JARID2: variants seen among roughly 807,000 people sequenced by gnomAD.
JARID2 encodes protein Jumonji.
Under a neutral mutation model 125.6 loss-of-function variants are expected in JARID2, and 21 were observed. That is an observed-to-expected ratio of 0.17 (90% confidence interval 0.12 to 0.24). The LOEUF (loss-of-function observed/expected upper bound fraction) is 0.24, where lower values mean the gene tolerates loss of function less well. Ranked by LOEUF, JARID2 falls within the 10% of genes least tolerant of loss-of-function variation. The pLI, the probability that JARID2 is intolerant of heterozygous loss-of-function variation, is 1.00. For missense variants in JARID2, 1,303 were observed against 1,639.6 expected, an observed-to-expected ratio of 0.79 and a Z score of 3.55; for synonymous variants, 736 against 661.6, an observed-to-expected ratio of 1.11 and a Z score of -1.73.
At chr6:15,447,893 C>T (rs141450138) in intron 3 of JARID2, among the ~76,000 whole-genome samples, 1 of 152,286 alleles carries the variant, frequency 6.6e-6, no homozygotes, top group African/African-American at 2.4e-5. Context: ...TCAGCACATC[C>T]AAATCACTTT....
intron 1 of JARID2, among the ~76,000 whole-genome samples, chr6:15,294,104 G>T (rs567687062): frequency 6.6e-6 from 1 of 152,328 alleles, no homozygotes; most frequent in African/African-American, 2.4e-5. Flanking sequence ...AGTGAAGTGA[G>T]GGACTTGCAC....
intron 1 of JARID2, among the ~76,000 whole-genome samples, chr6:15,308,398 C>G (rs994485410): frequency 1.3e-5 from 2 of 152,146 alleles, no homozygotes; most frequent in African/African-American, 4.8e-5. Flanking sequence ...GATGTTTGTG[C>G]TGTTTGTCAT....
chr6:15,318,179 G>T (rs1057231946), intron 1 of JARID2, among the ~76,000 whole-genome samples: 1 of 152,066 alleles, frequency 6.6e-6, no homozygotes. Context: ...CCACTGCACT[G>T]CAGCCTGGGT....
At chr6:15,438,953 A>G (rs1003819876) in intron 3 of JARID2, among the ~76,000 whole-genome samples, 2 of 150,918 alleles carry the variant, frequency 1.3e-5, no homozygotes, top group Non-Finnish European at 2.9e-5. Context: ...AATCGCTTCA[A>G]CCCGGAAGGG....
At chr6:15,300,073 T>C (rs1018188338) in intron 1 of JARID2, among the ~76,000 whole-genome samples, 4 of 152,346 alleles carry the variant, frequency 2.6e-5, no homozygotes, top group African/African-American at 7.2e-5. Flanking sequence ...GCTCAAAATA[T>C]GATTTCTCAT....
intron 1 of JARID2, among the ~76,000 whole-genome samples, chr6:15,371,037 G>A (rs1748104318): frequency 6.6e-6 from 1 of 152,228 alleles, no homozygotes; most frequent in Non-Finnish European, 1.5e-5. Flanking sequence ...TGTGTTTTAA[G>A]TTTGAATTTT....
At chr6:15,468,785 T>A in intron 5 of JARID2, 67 bp downstream of exon 5, 2 of 1,491,006 alleles carry the variant, frequency 1.3e-6, no homozygotes, top group Non-Finnish European at 1.8e-6. Flanking sequence ...GAAGAGAGCC[T>A]CTGCTGAGAA....
intron 2 of JARID2, among the ~76,000 whole-genome samples, chr6:15,405,820 G>C (rs1307146576): frequency 6.6e-6 from 1 of 152,168 alleles, no homozygotes; most frequent in East Asian, 1.9e-4. Flanking sequence ...CATTAGCTTG[G>C]CTAATGTTAT....
intron 1 of JARID2, among the ~76,000 whole-genome samples, chr6:15,251,083 C>T (rs149355765): frequency 7.1e-4 from 108 of 152,166 alleles, no homozygotes; most frequent in African/African-American, 2.5e-3. Flanking sequence ...GCAGTGGTTC[C>T]TCACTGCAAC....
At chr6:15,381,955 G>A (rs1013028761) in intron 2 of JARID2, among the ~76,000 whole-genome samples, 1 of 152,244 alleles carries the variant, frequency 6.6e-6, no homozygotes, top group Non-Finnish European at 1.5e-5. Flanking sequence ...TAAAATCTGT[G>A]AAGCAGGATA....
intron 1 of JARID2, among the ~76,000 whole-genome samples, chr6:15,267,065 G>A (rs1026733073): frequency 2.5e-4 from 38 of 152,192 alleles, no homozygotes; most frequent in Admixed American, 1.9e-3. Flanking sequence ...TTCTAGCTGC[G>A]TGATCGAGGG....
At chr6:15,251,303 A>C (rs189033167) in intron 1 of JARID2, among the ~76,000 whole-genome samples, 14 of 152,256 alleles carry the variant, frequency 9.2e-5, no homozygotes, top group African/African-American at 3.1e-4. Flanking sequence ...GGCGTGAGCC[A>C]CTGCACCCAG....
At chr6:15,373,606 T>C (rs1471879075) in intron 1 of JARID2, among the ~76,000 whole-genome samples, 2 of 152,228 alleles carry the variant, frequency 1.3e-5, no homozygotes, top group African/African-American at 4.8e-5. Context: ...TCCAATTCCA[T>C]GTCTTCTGAC....
chr6:15,401,136 A>G (rs1765415636), intron 2 of JARID2: 1 of 1,237,746 alleles, frequency 8.1e-7, no homozygotes, highest in East Asian at 5.6e-5. Context: ...GATTAAATCC[A>G]TTGTGGATGG....
chr6:15,401,680 C>A (rs1009940295), intron 2 of JARID2, among the ~76,000 whole-genome samples: 2 of 152,106 alleles, frequency 1.3e-5, no homozygotes, highest in Non-Finnish European at 1.5e-5. Flanking sequence ...TGATTCTTCT[C>A]CCGAATTTCG....
intron 1 of JARID2, chr6:15,248,856 G>GGCGGGGGCGGGGGCTGCC (rs1341308819): frequency 5.2e-6 from 5 of 966,278 alleles, no homozygotes; most frequent in Admixed American, 1.2e-4. Flanking sequence ...GAGGGAGCTG[G>GGCGGGGGCGGGGGCTGCC]GCGGGGGCGG....
chr6:15,350,594 T>C (rs1763388996), intron 1 of JARID2, among the ~76,000 whole-genome samples: 1 of 152,226 alleles, frequency 6.6e-6, no homozygotes, highest in Non-Finnish European at 1.5e-5. Context: ...AGCCTGAGTA[T>C]GAGTGAATTT....
At chr6:15,443,342 C>G (rs1767527143) in intron 3 of JARID2, among the ~76,000 whole-genome samples, 1 of 152,132 alleles carries the variant, frequency 6.6e-6, no homozygotes, top group South Asian at 2.1e-4. Flanking sequence ...AAATGAGTTA[C>G]TCCTCATTGG....
chr6:15,296,812 GC>G (rs1761433507), intron 1 of JARID2, among the ~76,000 whole-genome samples: 1 of 152,198 alleles, frequency 6.6e-6, no homozygotes, highest in South Asian at 2.1e-4. Context: ...GGTGTTCCCA[GC>G]CCCCTGTCTT....
Sources: allele counts gnomAD v4.1 joint callset (sites outside exome capture counted in the v4.1 genomes callset), GRCh38; gene constraint gnomAD v4.1.1; transcripts MANE v1.5; gene names NCBI Gene and HGNC (gene_info 2026-07-23, HGNC 2026-07-21).